Variants in CDC42BPB observed in about 807,000 individuals in gnomAD.
CDC42BPB encodes the protein serine/threonine-protein kinase MRCK beta.
A neutral mutation model predicts 214.9 loss-of-function variants in CDC42BPB; 37 were observed. That is an observed-to-expected ratio of 0.17 (90% CI 0.13 to 0.23). CDC42BPB has a LOEUF of 0.23. Ranked by LOEUF, CDC42BPB falls within the 10% of genes least tolerant of loss-of-function variation. The pLI is 1.00. For missense variants in CDC42BPB, 1,694 were observed against 2,227.0 expected, an observed-to-expected ratio of 0.76 and a Z score of 4.82; for synonymous variants, 931 against 884.0, an observed-to-expected ratio of 1.05 and a Z score of -0.94.
intron 29 of CDC42BPB, chr14:102,945,411 T>A (rs969238490): frequency 1.8e-6 from 1 of 548,506 alleles, no homozygotes; most frequent in Non-Finnish European, 3.4e-6. Flanking sequence ...CTGTTCCTCC[T>A]CCCAGGGGGC....
rs577966121 is a variant in CDC42BPB at position 103,004,216 on chromosome 14, G to T, written c.352-193C>A. The T allele has an allele frequency of 6.1e-6, 8 of 1,319,726 alleles. No individual in the cohort carries two copies. The highest frequency in any genetic ancestry group is 7.8e-6 in the Non-Finnish European group (8 of 1,030,942). 81.8% of individuals were successfully genotyped at this position (1,319,726 alleles called of 1,614,324 possible). ...CATCCCTTCCTCTCCCAAGCCCCGT[G>T]CAAGTGCCAAGGGCTGCTGAGGAGG... is the stretch of plus-strand genomic sequence containing the variant. On this transcript the variant is annotated intron_variant, in intron 3 of 36. Transcript: ENST00000361246. The surrounding 1 kb of genome is among the most constrained non-coding windows in gnomAD (Gnocchi z 5.3).
At chr14:102,965,572 G>GT (rs902139940) in intron 18 of CDC42BPB, among the ~76,000 whole-genome samples, 1 of 152,098 alleles carries the variant, frequency 6.6e-6, no homozygotes, top group Non-Finnish European at 1.5e-5. Context: ...CCATCTTGCT[G>GT]TTTTTTCTTT....
intron 1 of CDC42BPB, among the ~76,000 whole-genome samples, chr14:103,046,680 GTCTC>G (rs907190419): frequency 1.3e-5 from 2 of 152,040 alleles, no homozygotes; most frequent in Non-Finnish European, 2.9e-5. Context: ...TTTGGAGACA[GTCTC>G]TCTCTGTCAC....
chr14:102,953,775 G>A (rs757405793), intron 23 of CDC42BPB, among the ~76,000 whole-genome samples: 3 of 152,260 alleles, frequency 2.0e-5, no homozygotes, highest in South Asian at 4.1e-4. Flanking sequence ...AACCGCACAT[G>A]CACTGCAGGG....
rs763068962 is a variant in CDC42BPB, at chr14:102,967,077, A to T, written c.2440T>A (p.Trp814Arg). 20 of 1,614,092 alleles carry T rather than the reference A, an allele frequency of 1.2e-5. No homozygotes were observed. The highest frequency in any genetic ancestry group is 3.4e-6 in the Non-Finnish European group (4 of 1,180,044). The change falls in exon 17 of 37, where the codon TGG (tryptophan) becomes AGG (arginine). Residue 814 changes from tryptophan to arginine, a missense_variant. Physicochemically the swap from Trp to Arg is moderately radical, Grantham distance 101. Around this residue, in one of 7 missense-constraint regions of CDC42BPB, gnomAD observed 462 missense variants for 513.5 expected, o/e 0.90. Transcript: ENST00000361246. ...ATGATTTCCGCAATCTGAGCTTCCCAGTGGGCCACTGACTCCTTCTTGGCT... is the reference window on the plus strand; with the variant it reads ...ATGATTTCCGCAATCTGAGCTTCCCTGTGGGCCACTGACTCCTTCTTGGCT... ...LAAKKESVAH[W>R]EAQIAEIIQW...
intron 20 of CDC42BPB, among the ~76,000 whole-genome samples, chr14:102,962,098 CCT>C (rs1374487245): frequency 2.0e-5 from 3 of 152,182 alleles, no homozygotes; most frequent in Non-Finnish European, 4.4e-5. Flanking sequence ...GCAAGTTAAA[CCT>C]CTACGGAGAT....
chr14:103,000,297 T>C (rs1894919543), intron 4 of CDC42BPB, among the ~76,000 whole-genome samples: 1 of 152,272 alleles, frequency 6.6e-6, no homozygotes, highest in East Asian at 1.9e-4. Context: ...AGCCCGTCAC[T>C]TCCCCGCGAG....
intron 28 of CDC42BPB, among the ~76,000 whole-genome samples, 172 bp downstream of exon 28, chr14:102,946,296 T>A (rs1183867042): frequency 6.6e-6 from 1 of 152,198 alleles, no homozygotes; most frequent in African/African-American, 2.4e-5. Context: ...GTGCTGGGAT[T>A]ACAGGCGTGA....
intron 1 of CDC42BPB, among the ~76,000 whole-genome samples, chr14:103,053,761 CAAA>C (rs1264978955): frequency 4.1e-5 from 3 of 73,908 alleles, no homozygotes; most frequent in Admixed American, 1.5e-4. Context: ...GACTCCGTCT[CAAA>C]AAAAAAAAAA....
At chr14:103,011,879 G>C (rs1000277047) in intron 2 of CDC42BPB, among the ~76,000 whole-genome samples, 2 of 152,070 alleles carry the variant, frequency 1.3e-5, no homozygotes, top group Admixed American at 6.6e-5. Flanking sequence ...TCCTTGGGAG[G>C]CCGAGGCGGG....
chr14:102,954,645 T>C lies in CDC42BPB; in HGVS notation c.2945A>G (p.Glu982Gly). The C allele has an allele frequency of 6.2e-7, 1 of 1,614,034 alleles. No homozygotes were observed. Among genetic ancestry groups the C allele is most frequent in the African/African-American group, 1.3e-5 (1 of 75,046 alleles). ...SEQETQAPKP[E>G]ASPSMSVAAS... ...AGCCACAGACATCGACGGGGACGCT[T>C]CTGGCTTCGGAGCTTGTGTTTCTTG... The change falls in exon 22 of 37, where the codon GAA becomes GGA. Residue 982 changes from glutamate to glycine, a missense_variant. Physicochemically the swap from Glu to Gly is moderately conservative, Grantham distance 98. Transcript: ENST00000361246.
At chr14:103,053,569 G>C (rs1190220) in intron 1 of CDC42BPB, among the ~76,000 whole-genome samples, 1 of 151,264 alleles carries the variant, frequency 6.6e-6, no homozygotes, top group South Asian at 2.1e-4. Flanking sequence ...AGACCATCCT[G>C]GCTAACACGG....
chr14:102,985,992 G>A (rs1018458668), intron 6 of CDC42BPB, among the ~76,000 whole-genome samples: 2 of 152,212 alleles, frequency 1.3e-5, no homozygotes, highest in Non-Finnish European at 2.9e-5. Context: ...CCCTGCTGGC[G>A]GGAGTGTCAG....
chr14:102,966,416 A>G (rs1282378890), intron 17 of CDC42BPB, 29 bp from the exon 18 acceptor site: 1 of 1,608,432 alleles, frequency 6.2e-7, no homozygotes. Flanking sequence ...GTTCTATCTC[A>G]CGAAGCATGG....
chr14:103,001,836 G>A lies in CDC42BPB; in HGVS notation c.447+2092C>T, dbSNP rs1566894572. ...AGCCCCAGCCGCGTCCACGTCTGCC[G>A]AGAACTCTAAGAGGAGGAGCTTCCT... On this transcript the variant is annotated intron_variant, in intron 4 of 36. Transcript: ENST00000361246. The surrounding 1 kb of genome is among the most constrained non-coding windows in gnomAD (Gnocchi z 5.8). Among the ~76,000 whole-genome samples the A allele has an allele frequency of 2.0e-5, 3 of 152,234 alleles. No individual in the cohort carries two copies. Among genetic ancestry groups the A allele is most frequent in the South Asian group, 2.1e-4 (1 of 4,826 alleles).
intron 26 of CDC42BPB, 31 bp downstream of exon 26, chr14:102,949,734 A>C (rs1415789003): frequency 6.2e-7 from 1 of 1,611,490 alleles, no homozygotes; most frequent in Admixed American, 1.7e-5. Flanking sequence ...GAAGATTCAC[A>C]GAGCAAGGAC....
chr14:103,020,928 T>C (rs891873976), intron 1 of CDC42BPB, among the ~76,000 whole-genome samples: 2 of 152,254 alleles, frequency 1.3e-5, no homozygotes, highest in African/African-American at 4.8e-5. Context: ...GATGTCAGAA[T>C]ACTGCCTTTG....
intron 36 of CDC42BPB, among the ~76,000 whole-genome samples, chr14:102,935,206 A>G (rs1394835804): frequency 6.6e-6 from 1 of 152,154 alleles, no homozygotes; most frequent in Admixed American, 6.5e-5. Context: ...TTATACACGT[A>G]GAAAATCCCA....
rs531944728 is a variant in CDC42BPB, at chr14:103,028,992, T to C, written c.176-16804A>G. Among the ~76,000 whole-genome samples the C allele has an allele frequency of 5.1e-4, 78 of 152,332 alleles. 1 individual carries two copies. In the South Asian group the frequency reaches 6.8e-3, roughly 13 times the overall value. ...TTCTTAACAACTGTCCAGAGCCAAGTACTGAATTATCTGAGTCCAACTGCC... is the reference window on the plus strand; with the variant it reads ...TTCTTAACAACTGTCCAGAGCCAAGCACTGAATTATCTGAGTCCAACTGCC... On this transcript the variant is annotated intron_variant, in intron 1 of 36. Coordinates refer to ENST00000361246, the MANE Select transcript of CDC42BPB (RefSeq NM_006035.4).
Sources: allele counts gnomAD v4.1 joint callset (sites outside exome capture counted in the v4.1 genomes callset), GRCh38; gene constraint gnomAD v4.1.1; regional missense constraint gnomAD v4.1.1; non-coding constraint Gnocchi (gnomAD v3.1); transcripts MANE v1.5; gene names NCBI Gene and HGNC (gene_info 2026-07-23, HGNC 2026-07-21).